Variants in CARMIL1 observed in about 807,000 individuals in gnomAD.
CARMIL1 encodes F-actin-uncapping protein LRRC16A.
A neutral mutation model predicts 177.1 loss-of-function variants in CARMIL1; 90 were observed. The ratio of observed to expected loss-of-function variants is 0.51; its 90% CI spans 0.43 to 0.61. The LOEUF (loss-of-function observed/expected upper bound fraction) is 0.61. Ranked by LOEUF, CARMIL1 falls within the 20% of genes least tolerant of loss-of-function variation. The pLI is 0.00. For synonymous variants in CARMIL1, 577 were observed against 606.2 expected, an observed-to-expected ratio of 0.95 and a Z score of 0.71; for missense variants, 1,380 against 1,667.0, an observed-to-expected ratio of 0.83 and a Z score of 3.00.
At chr6:25,418,084 A>G (rs73387270) in intron 2 of CARMIL1, among the ~76,000 whole-genome samples, 7,087 of 152,262 alleles carry the variant, frequency 0.047, 307 homozygotes, top group African/African-American at 0.11. Context: ...AGGCTTTGGC[A>G]TTAACAGGTA....
chr6:25,375,864 T>C (rs1384304739), intron 2 of CARMIL1, among the ~76,000 whole-genome samples: 3 of 152,228 alleles, frequency 2.0e-5, no homozygotes, highest in Non-Finnish European at 4.4e-5. Flanking sequence ...TCTGTCTCTT[T>C]AGAAAATTTT....
intron 3 of CARMIL1, 93 bp downstream of exon 3, chr6:25,420,257 T>TGTAAGA: frequency 9.0e-7 from 1 of 1,110,162 alleles, no homozygotes. Flanking sequence ...TGTGCACACA[T>TGTAAGA]ATTCCTTCAT....
At chr6:25,463,979 C>G (rs1046147166) in intron 8 of CARMIL1, among the ~76,000 whole-genome samples, 2 of 151,698 alleles carry the variant, frequency 1.3e-5, no homozygotes, top group Middle Eastern at 3.2e-3. Context: ...CCCGCCACTA[C>G]GCCCGGCTAA....
At chr6:25,407,209 T>C (rs1285505686) in intron 2 of CARMIL1, among the ~76,000 whole-genome samples, 1 of 152,138 alleles carries the variant, frequency 6.6e-6, no homozygotes, top group African/African-American at 2.4e-5. Flanking sequence ...GGTACCTTTT[T>C]TGAGAAGTTG....
At chr6:25,596,883 T>G (rs1367571304) in intron 32 of CARMIL1, among the ~76,000 whole-genome samples, 1 of 138,584 alleles carries the variant, frequency 7.2e-6, no homozygotes, top group African/African-American at 2.6e-5. Context: ...ACACACGTAC[T>G]CATGTACTTA....
At chr6:25,452,806 T>C (rs1339853250) in intron 8 of CARMIL1, among the ~76,000 whole-genome samples, 1 of 152,224 alleles carries the variant, frequency 6.6e-6, no homozygotes, top group East Asian at 1.9e-4. Flanking sequence ...GCCTTAAAGA[T>C]GTGTAGTTAG....
chr6:25,482,827 C>G (rs1802255904), intron 12 of CARMIL1, among the ~76,000 whole-genome samples: 1 of 151,226 alleles, frequency 6.6e-6, no homozygotes, highest in Admixed American at 6.6e-5. Flanking sequence ...TAACTTCACT[C>G]ACCTTCATTT....
At chr6:25,452,343 G>T (rs1257032562) in intron 8 of CARMIL1, 14 of 662,636 alleles carry the variant, frequency 2.1e-5, no homozygotes, top group Non-Finnish European at 3.8e-5. Context: ...AACTGAGAAA[G>T]AAAAAGGGAA....
At chr6:25,442,361 A>T (rs1797846052) in intron 5 of CARMIL1, among the ~76,000 whole-genome samples, 1 of 151,566 alleles carries the variant, frequency 6.6e-6, no homozygotes, top group Non-Finnish European at 1.5e-5. Context: ...TGCATGTGAG[A>T]GACATGTCTT....
At chr6:25,439,270 T>C (rs971138404) in intron 5 of CARMIL1, among the ~76,000 whole-genome samples, 2 of 152,148 alleles carry the variant, frequency 1.3e-5, no homozygotes, top group Non-Finnish European at 2.9e-5. Flanking sequence ...TCCATAGACC[T>C]CTCCTCCAAG....
At chr6:25,451,065 T>G in intron 8 of CARMIL1, among the ~76,000 whole-genome samples, 1 of 134,230 alleles carries the variant, frequency 7.4e-6, no homozygotes, top group East Asian at 2.5e-4. Context: ...GGGCTGTACA[T>G]TATCTCCAAA....
At chr6:25,466,020 AAAAC>A in intron 9 of CARMIL1, 72 bp downstream of exon 9, 1 of 1,137,058 alleles carries the variant, frequency 8.8e-7, no homozygotes, top group Non-Finnish European at 1.3e-6. Flanking sequence ...TTGTGGGAAA[AAAAC>A]AATTTTTTTA....
intron 2 of CARMIL1, among the ~76,000 whole-genome samples, chr6:25,315,895 C>A (rs374256948): frequency 9.8e-5 from 15 of 152,322 alleles, no homozygotes; most frequent in African/African-American, 3.4e-4. Context: ...TGCAAAATCT[C>A]AGCCCCTCCC....
At chr6:25,579,259 G>GGA (rs1554228250) in intron 29 of CARMIL1, among the ~76,000 whole-genome samples, 21,792 of 143,890 alleles carry the variant, frequency 0.15, 1,744 homozygotes, top group Middle Eastern at 0.22. Flanking sequence ...CAAGAGTCAG[G>GGA]AAAAAAAAAA....
chr6:25,503,996 C>T (rs1291073464), intron 17 of CARMIL1, among the ~76,000 whole-genome samples: 1 of 152,020 alleles, frequency 6.6e-6, no homozygotes, highest in Admixed American at 6.6e-5. Flanking sequence ...CTGTGGGTAC[C>T]TCTAATACAA....
chr6:25,564,647 T>C (rs193146029), intron 29 of CARMIL1, among the ~76,000 whole-genome samples: 1 of 152,322 alleles, frequency 6.6e-6, no homozygotes, highest in African/African-American at 2.4e-5. Context: ...ACTTTGGTAT[T>C]GTTAACTGAG....
chr6:25,466,001 A>G (rs1800565024), intron 9 of CARMIL1, 53 bp downstream of exon 9: 2 of 1,385,544 alleles, frequency 1.4e-6, no homozygotes, highest in Non-Finnish European at 2.1e-6. Context: ...AATTTCAAAA[A>G]CCCAATAATT....
intron 25 of CARMIL1, 43 bp from the exon 26 acceptor site, chr6:25,539,904 A>G (rs1808718391): frequency 1.4e-6 from 2 of 1,431,536 alleles, no homozygotes; most frequent in Non-Finnish European, 9.3e-7. Context: ...TGATTGAAAT[A>G]TTTACCCAAT....
intron 16 of CARMIL1, among the ~76,000 whole-genome samples, chr6:25,495,988 A>G (rs1179679436): frequency 1.3e-5 from 2 of 152,206 alleles, no homozygotes; most frequent in Non-Finnish European, 2.9e-5. Flanking sequence ...TTCCCAGCTG[A>G]CTGTAAATCA....
Sources: gnomAD v4.1 joint callset for allele counts (sites outside exome capture counted in the v4.1 genomes callset) on GRCh38, gnomAD v4.1.1 for gene constraint, MANE v1.5 for transcripts, NCBI Gene and HGNC (gene_info 2026-07-23, HGNC 2026-07-21) for gene names.